The following FLI1 variants were observed in gnomAD, a reference collection of about 807,000 sequenced individuals.
The protein encoded by FLI1 is Friend leukemia integration 1 transcription factor.
FLI1 carries 13 observed loss-of-function variants against 53.1 expected under a neutral mutation model. The ratio of observed to expected loss-of-function variants is 0.24; its 90% confidence interval spans 0.16 to 0.39. The LOEUF is 0.39. Among genes scored for constraint, FLI1 ranks in the 10% least tolerant of loss-of-function variants. The probability of loss-of-function intolerance (pLI) is 1.00; values close to 1 mark genes in which losing one functional copy is unlikely to be tolerated. For synonymous variants in FLI1, 244 were observed against 236.7 expected (o/e 1.03, Z -0.28); for missense variants, 424 against 600.5 (o/e 0.71, Z 3.07).
At chr11:128,776,072 T>C (rs541972500) in intron 4 of FLI1, among the ~76,000 whole-genome samples, 2 of 152,354 alleles carry the variant, frequency 1.3e-5, no homozygotes, top group South Asian at 4.1e-4. Context: ...AAAAGGTGCT[T>C]GACTATTTAT....
intron 5 of FLI1, 125 bp downstream of exon 5, chr11:128,782,148 G>C: frequency 2.5e-6 from 2 of 801,842 alleles, no homozygotes; most frequent in Non-Finnish European, 3.9e-6. Flanking sequence ...AGCATACAAA[G>C]ACAAGCCAAA....
intron 4 of FLI1, among the ~76,000 whole-genome samples, chr11:128,775,724 T>C (rs1296149132): frequency 6.6e-6 from 1 of 152,236 alleles, no homozygotes; most frequent in African/African-American, 2.4e-5. Context: ...TGTGGAGAGT[T>C]TGAGGCGATG....
chr11:128,742,086 G>A (rs1462648410), intron 1 of FLI1, among the ~76,000 whole-genome samples: 2 of 152,146 alleles, frequency 1.3e-5, no homozygotes, highest in African/African-American at 2.4e-5. Flanking sequence ...CCATCTGTGT[G>A]CACAGCCTGT....
intron 2 of FLI1, among the ~76,000 whole-genome samples, chr11:128,765,123 T>A (rs1210428968): frequency 6.6e-6 from 1 of 152,112 alleles, no homozygotes; most frequent in Non-Finnish European, 1.5e-5. Context: ...GAGGTTCTGC[T>A]CAGGGAATGA....
chr11:128,686,441 G>A (rs146389628), upstream of FLI1: 1,438 of 456,242 alleles, frequency 3.2e-3, 4 homozygotes, highest in Non-Finnish European at 5.3e-3. Context: ...CCTGAAGCCC[G>A]GGGACGGGAC....
intron 1 of FLI1, among the ~76,000 whole-genome samples, chr11:128,714,080 C>T (rs112595469): frequency 0.017 from 2,606 of 152,120 alleles, 30 homozygotes; most frequent in Non-Finnish European, 0.029. Flanking sequence ...GGTTAATATG[C>T]CTTTACTATG....
chr11:128,717,372 C>T (rs1192573762), intron 1 of FLI1, among the ~76,000 whole-genome samples: 1 of 152,192 alleles, frequency 6.6e-6, no homozygotes, highest in East Asian at 1.9e-4. Context: ...TTATTTCATA[C>T]TTGCTACCTG....
chr11:128,779,312 A>T (rs1459668196), intron 4 of FLI1, among the ~76,000 whole-genome samples: 1 of 152,218 alleles, frequency 6.6e-6, no homozygotes, highest in African/African-American at 2.4e-5. Flanking sequence ...TGAGGGAGAG[A>T]ACGTCAGGGA....
chr11:128,709,715 T>C (rs990230801), intron 1 of FLI1, among the ~76,000 whole-genome samples: 1 of 152,198 alleles, frequency 6.6e-6, no homozygotes, highest in African/African-American at 2.4e-5. Context: ...CAGCACTCCC[T>C]TGTGAATAGT....
rs577714372 is a variant in FLI1 at position 128,771,533 on chromosome 11, G to C, written c.386-1249G>C. 7.9e-5 allele frequency among the ~76,000 whole-genome samples: 12 copies of C among 152,356 alleles called. No individual in the cohort carries two copies. In the South Asian group the frequency reaches 2.5e-3, roughly 32 times the overall value. On this transcript the variant is annotated intron_variant, in intron 3 of 8. Transcript: ENST00000527786. ...GCTTCTTGCCCCACATCCACTCCTA[G>C]TCATTCAATCCTGGTTCCCTGCTTT... is the stretch of plus-strand genomic sequence containing the variant.
At chr11:128,764,942 G>A in intron 2 of FLI1, 1 of 1,132,596 alleles carries the variant, frequency 8.8e-7, no homozygotes, top group South Asian at 1.3e-5. Context: ...TCCTAGTGCA[G>A]AAGCCTGGGA....
At chr11:128,748,573 C>T (rs770105739) in intron 1 of FLI1, among the ~76,000 whole-genome samples, 5 of 151,596 alleles carry the variant, frequency 3.3e-5, no homozygotes, top group African/African-American at 4.9e-5. Flanking sequence ...GCAGAGGTTG[C>T]GGTAAGCTGA....
chr11:128,708,563 C>A (rs984445754), intron 1 of FLI1, among the ~76,000 whole-genome samples: 2 of 152,184 alleles, frequency 1.3e-5, no homozygotes, highest in East Asian at 1.9e-4. Context: ...ACAAGTTACT[C>A]TCCCCTTCTC....
rs560941530 is a variant in FLI1, at chr11:128,801,859, TG to T, written c.656-3505del. 1.6e-4 allele frequency among the ~76,000 whole-genome samples: 24 copies of T among 152,318 alleles called. 1 individual carries two copies. In the South Asian group the frequency reaches 4.6e-3, roughly 29 times the overall value. ...AACACAACAGAGATCCCTACTCTTA[TG>T]GACCTGATGTTCAGGAGGGAGGGGG... On this transcript the variant is annotated intron_variant, in intron 5 of 8. Coordinates refer to ENST00000527786, the MANE Select transcript of FLI1 (RefSeq NM_002017.5).
chr11:128,751,910 G>C (rs960887948), intron 1 of FLI1, among the ~76,000 whole-genome samples: 1 of 148,804 alleles, frequency 6.7e-6, no homozygotes, highest in Admixed American at 6.8e-5. Context: ...CATTCCACCC[G>C]GTTCAGCCTC....
At chr11:128,689,623 G>C (rs1937658618), upstream of FLI1, among the ~76,000 whole-genome samples, 1 of 152,242 alleles carries the variant, frequency 6.6e-6, no homozygotes, top group South Asian at 2.1e-4. Flanking sequence ...AATGAATGCT[G>C]TTTGGGGCGG....
chr11:128,701,516 C>T (rs1350027580), intron 1 of FLI1, among the ~76,000 whole-genome samples: 4 of 152,248 alleles, frequency 2.6e-5, no homozygotes, highest in Middle Eastern at 3.4e-3. Flanking sequence ...AGTGTTCAGA[C>T]GCATTTTCAG....
intron 1 of FLI1, among the ~76,000 whole-genome samples, chr11:128,698,842 C>T (rs79111175): frequency 0.016 from 2,494 of 152,180 alleles, 79 homozygotes; most frequent in African/African-American, 0.056. Context: ...AAAATTGTAT[C>T]ACTACCATCT....
At chr11:128,748,946 T>C (rs1012149837) in intron 1 of FLI1, among the ~76,000 whole-genome samples, 3 of 152,238 alleles carry the variant, frequency 2.0e-5, no homozygotes, top group Non-Finnish European at 4.4e-5. Flanking sequence ...ATAATACATG[T>C]TCTATTTGAT....
Sources: allele counts gnomAD v4.1 joint callset (sites outside exome capture counted in the v4.1 genomes callset), GRCh38; gene constraint gnomAD v4.1.1; transcripts MANE v1.5; gene names NCBI Gene and HGNC (gene_info 2026-07-23, HGNC 2026-07-21).